RORA: variants seen among roughly 807,000 people sequenced by gnomAD.
RORA encodes the protein nuclear receptor ROR-alpha.
RORA carries 7 observed loss-of-function variants against 69.5 expected under a neutral mutation model. The ratio of observed to expected loss-of-function variants is 0.10; its 90% CI spans 0.06 to 0.19. The LOEUF (loss-of-function observed/expected upper bound fraction) is 0.19. RORA is among the 10% of genes least tolerant of loss of function. RORA has a pLI of 1.00. For synonymous variants in RORA, 261 were observed against 240.8 expected, an observed-to-expected ratio of 1.08 and a Z score of -0.78; for missense variants, 457 against 663.0, an observed-to-expected ratio of 0.69 and a Z score of 3.41.
intron 1 of RORA, 128 bp downstream of exon 1, chr15:61,228,925 C>A (rs562910914): frequency 4.5e-6 from 1 of 221,152 alleles, no homozygotes; most frequent in South Asian, 1.6e-4. Flanking sequence ...GTCCTCCGGG[C>A]TCGGGGCGCC....
chr15:60,656,545 A>C (rs2070224899), intron 2 of RORA, among the ~76,000 whole-genome samples: 1 of 152,208 alleles, frequency 6.6e-6, no homozygotes, highest in Non-Finnish European at 1.5e-5. Flanking sequence ...AAACAATAGT[A>C]ATCAAACTTG....
chr15:61,176,524 T>C (rs1334493324), intron 1 of RORA: 2 of 152,140 alleles, frequency 1.3e-5, no homozygotes, highest in East Asian at 1.9e-4. Flanking sequence ...GCTGCCCAGA[T>C]TGATCTTGAA....
intron 1 of RORA, among the ~76,000 whole-genome samples, chr15:60,750,131 A>G (rs1280574556): frequency 6.6e-6 from 1 of 152,348 alleles, no homozygotes; most frequent in Non-Finnish European, 1.5e-5. Flanking sequence ...GATGGATACT[A>G]TTATCAGCTC....
At chr15:60,827,546 C>A (rs11632290) in intron 1 of RORA, among the ~76,000 whole-genome samples, 7,720 of 152,274 alleles carry the variant, frequency 0.051, 269 homozygotes, top group Admixed American at 0.094. Context: ...TAAAGGGTAT[C>A]CCTGAACCAC....
chr15:60,589,580 G>A (rs1387266137), intron 2 of RORA, among the ~76,000 whole-genome samples: 2 of 152,182 alleles, frequency 1.3e-5, no homozygotes, highest in Non-Finnish European at 1.5e-5. Context: ...CTTTGCCCAA[G>A]AAGCAATCCA....
intron 1 of RORA, among the ~76,000 whole-genome samples, chr15:60,902,086 A>G (rs1449131724): frequency 1.3e-5 from 2 of 152,204 alleles, no homozygotes; most frequent in African/African-American, 4.8e-5. Flanking sequence ...GAATTAGACA[A>G]TATTATAGAT....
At chr15:60,902,233 T>C (rs111442723) in intron 1 of RORA, among the ~76,000 whole-genome samples, 1 of 152,162 alleles carries the variant, frequency 6.6e-6, no homozygotes, top group Non-Finnish European at 1.5e-5. Context: ...AACTCTGCAG[T>C]GAAGGCTCTT....
intron 1 of RORA, among the ~76,000 whole-genome samples, chr15:61,024,753 G>T (rs1443890321): frequency 6.6e-6 from 1 of 151,402 alleles, no homozygotes; most frequent in Non-Finnish European, 1.5e-5. Flanking sequence ...CCTGGTCCTG[G>T]CTACATTTTG....
At position 61,040,154 on chromosome 15, in the gene RORA, A is replaced by G. The variant is rs1029105048; in HGVS notation, c.166+188899T>C. On this transcript the variant is annotated intron_variant, in intron 1 of 10. Coordinates refer to ENST00000335670, the MANE Select transcript of RORA (RefSeq NM_134261.3). Reference sequence around the variant, plus strand: ...TATATATATATATATATATATATATATATATATATAAAATATATGAAATAT... The same window carrying G: ...TATATATATATATATATATATATATGTATATATATAAAATATATGAAATAT... Among the ~76,000 whole-genome samples, 3 of 126,030 alleles carry G rather than the reference A, an allele frequency of 2.4e-5. 1 individual carries two copies. The highest frequency in any genetic ancestry group is 9.1e-5 in the African/African-American group (3 of 32,838). The allele number at this position is 126,030 out of a possible 152,430, so 82.7% of individuals were successfully genotyped here. A position where few individuals can be genotyped will look rare whatever the true frequency, so the allele number is the denominator to read the frequency against.
Position 60,496,560 on chromosome 15 carries a change from G to C in RORA, c.*895C>G, listed in dbSNP as rs2141243687. ...ATCATTAAACTTACCAAAAAGCAAA[G>C]TATAATTTAGGGAGAGTTCCGTTTC... is the stretch of plus-strand genomic sequence containing the variant. On this transcript the variant is annotated 3_prime_UTR_variant, in exon 11 of 11. Coordinates refer to ENST00000335670, the MANE Select transcript of RORA (RefSeq NM_134261.3). This position sits in a 1 kb window ranked among gnomAD's most constrained non-coding sequence, Gnocchi z 4.5. 6.6e-6 allele frequency: 1 copy of C among 151,958 alleles called. No homozygotes were observed. Among genetic ancestry groups the C allele is most frequent in the Non-Finnish European group, 1.5e-5 (1 of 68,014 alleles). The allele number at this position is 151,958 out of a possible 1,614,324, so 9.4% of individuals were successfully genotyped here. A position where few individuals can be genotyped will look rare whatever the true frequency, so the allele number is the denominator to read the frequency against.
intron 1 of RORA, among the ~76,000 whole-genome samples, chr15:60,749,621 G>C (rs536953372): frequency 6.6e-6 from 1 of 152,304 alleles, no homozygotes; most frequent in East Asian, 1.9e-4. Flanking sequence ...CTGTCTGTTA[G>C]CACACTTAGA....
intron 1 of RORA, among the ~76,000 whole-genome samples, chr15:61,219,201 T>C (rs1007130822): frequency 6.6e-6 from 1 of 152,220 alleles, no homozygotes; most frequent in Non-Finnish European, 1.5e-5. Flanking sequence ...GTTCCACTAA[T>C]AATGCATAGC....
chr15:60,915,672 C>A (rs1891852575), intron 1 of RORA, among the ~76,000 whole-genome samples: 1 of 152,154 alleles, frequency 6.6e-6, no homozygotes, highest in Non-Finnish European at 1.5e-5. Context: ...TAAATAGCCA[C>A]ATGTGGCTAT....
intron 1 of RORA, among the ~76,000 whole-genome samples, chr15:60,996,425 A>C (rs771050234): frequency 9.9e-5 from 15 of 152,140 alleles, no homozygotes; most frequent in Non-Finnish European, 1.8e-4. Context: ...GTCAAAACTC[A>C]CTGAACTGAA....
At position 60,534,463 on chromosome 15, in the gene RORA, C is replaced by T. The variant is rs1461994841; in HGVS notation, c.197-2612G>A. ...CCAAGACGCTTAGGATAAATGGACT[C>T]ACTGTAGATTGACTTGTATTTCCAA... On this transcript the variant is annotated intron_variant, in intron 2 of 10. Transcript: ENST00000335670. The surrounding 1 kb of genome is among the most constrained non-coding windows in gnomAD (Gnocchi z 5.0). Among the ~76,000 whole-genome samples the T allele has an allele frequency of 4.6e-5, 7 of 151,812 alleles. No individual in the cohort carries two copies. Among genetic ancestry groups the T allele is most frequent in the African/African-American group, 7.3e-5 (3 of 41,114 alleles).
rs1464308400 is a variant in RORA, at chr15:60,826,729, T to A, written c.167-148043A>T. Among the ~76,000 whole-genome samples the A allele has an allele frequency of 8.8e-5, 13 of 148,372 alleles. No individual in the cohort carries two copies. The Admixed American group carries it at 8.8e-4, about 10-fold the overall frequency. On this transcript the variant is annotated intron_variant, in intron 1 of 10. Transcript: ENST00000335670. ...CTGGTACTTTCCTGGCCTGGGGACATTATTCTACCTGCTCTCTCTCTCTCT... is the reference window on the plus strand; with the variant it reads ...CTGGTACTTTCCTGGCCTGGGGACAATATTCTACCTGCTCTCTCTCTCTCT...
At chr15:61,050,408 TGAGAAGTTTTC>T (rs1433023902) in intron 1 of RORA, among the ~76,000 whole-genome samples, 1 of 152,220 alleles carries the variant, frequency 6.6e-6, no homozygotes, top group Non-Finnish European at 1.5e-5. Context: ...AAGTCAACAT[TGAGAAGTTTTC>T]CATGGTTAGA....
chr15:60,660,476 C>T (rs1025291114), intron 2 of RORA, among the ~76,000 whole-genome samples: 1 of 152,152 alleles, frequency 6.6e-6, no homozygotes, highest in Non-Finnish European at 1.5e-5. Flanking sequence ...TTTCTTAGAC[C>T]GTGGAGCAGC....
intron 2 of RORA, among the ~76,000 whole-genome samples, chr15:60,666,346 C>CTT (rs1161494532): frequency 9.1e-5 from 12 of 132,434 alleles, no homozygotes; most frequent in African/African-American, 2.8e-4. Context: ...TAATTTCTTT[C>CTT]TTTTTTTTTT....
Sources: gnomAD v4.1 joint callset for allele counts (sites outside exome capture counted in the v4.1 genomes callset) on GRCh38, gnomAD v4.1.1 for gene constraint, Gnocchi (gnomAD v3.1) non-coding constraint, MANE v1.5 for transcripts, NCBI Gene and HGNC (gene_info 2026-07-23, HGNC 2026-07-21) for gene names.